The following MTMR8 variants were observed in gnomAD, a reference collection of about 807,000 sequenced individuals.
The protein encoded by MTMR8 is phosphatidylinositol-3,5-bisphosphate 3-phosphatase MTMR8.
A neutral mutation model predicts 39.3 loss-of-function variants in MTMR8; 65 were observed. The ratio of observed to expected loss-of-function variants is 1.65; its 90% confidence interval spans 1.35 to 2.03. MTMR8 has a LOEUF of 2.03. Ranked by LOEUF, MTMR8 falls within the 30% of genes most tolerant of loss-of-function variation. The pLI is 0.00. For synonymous variants in MTMR8, 245 were observed against 185.2 expected (o/e 1.32, Z -2.62); for missense variants, 777 against 538.9 (o/e 1.44, Z -4.37).
intron 12 of MTMR8, 120 bp from the exon 13 acceptor site, chrX:64,271,193 G>A (rs1305254225): frequency 3.4e-5 from 23 of 679,943 alleles, no homozygotes; most frequent in Non-Finnish European, 4.5e-5. Flanking sequence ...CATGAGTACT[G>A]TAATTTGATG....
At chrX:64,279,339 C>T (rs1315778259) in intron 12 of MTMR8, among the ~76,000 whole-genome samples, 1 of 111,966 alleles carries the variant, frequency 8.9e-6, no homozygotes, top group African/African-American at 3.2e-5. Flanking sequence ...AAATACTAAA[C>T]ATCATACTCA....
intron 12 of MTMR8, among the ~76,000 whole-genome samples, chrX:64,302,281 T>G (rs2147202096): frequency 8.9e-6 from 1 of 112,690 alleles, no homozygotes; most frequent in East Asian, 2.8e-4. Flanking sequence ...CGCCGTTTTT[T>G]AAGCCGGTCT....
intron 12 of MTMR8, among the ~76,000 whole-genome samples, chrX:64,288,994 G>C (rs186026747): frequency 9.1e-6 from 1 of 109,658 alleles, no homozygotes; most frequent in East Asian, 2.8e-4. Context: ...TTGTGCACAT[G>C]TACCCTAGAA....
At chrX:64,389,454 C>G (rs891814801) in intron 1 of MTMR8, among the ~76,000 whole-genome samples, 2 of 112,217 alleles carry the variant, frequency 1.8e-5, no homozygotes, top group African/African-American at 6.5e-5. Flanking sequence ...CCAGTGGTTT[C>G]TAGGAGTAAC....
At chrX:64,303,494 T>A (rs749224880) in intron 12 of MTMR8, among the ~76,000 whole-genome samples, 3 of 112,287 alleles carry the variant, frequency 2.7e-5, no homozygotes, top group Non-Finnish European at 3.8e-5. Flanking sequence ...ACAAAGTAGA[T>A]ATAGAGGCTA....
intron 12 of MTMR8, among the ~76,000 whole-genome samples, chrX:64,285,260 CAAG>C (rs1313471020): frequency 8.9e-6 from 1 of 111,755 alleles, no homozygotes; most frequent in East Asian, 2.8e-4. Context: ...ATCAATTCAA[CAAG>C]AAGAGCTAAC....
At chrX:64,298,170 G>A (rs1238110335) in intron 12 of MTMR8, among the ~76,000 whole-genome samples, 1 of 97,159 alleles carries the variant, frequency 1.0e-5, no homozygotes, top group African/African-American at 3.8e-5. Context: ...AATTACCTTG[G>A]GCAGTATGGC....
intron 12 of MTMR8, among the ~76,000 whole-genome samples, chrX:64,318,911 C>T (rs182801849): frequency 1.2e-4 from 13 of 110,868 alleles, no homozygotes; most frequent in African/African-American, 2.6e-4. Context: ...GAACTCCCAA[C>T]CTCAGGTGAT....
At chrX:64,274,427 C>T (rs961320557) in intron 12 of MTMR8, among the ~76,000 whole-genome samples, 58 of 111,897 alleles carry the variant, frequency 5.2e-4, no homozygotes, top group Non-Finnish European at 8.5e-4. Flanking sequence ...CCACAACATA[C>T]CAAAACATGT....
chrX:64,273,509 A>G (rs1488435919), intron 12 of MTMR8, among the ~76,000 whole-genome samples: 2 of 111,371 alleles, frequency 1.8e-5, no homozygotes, highest in African/African-American at 6.5e-5. Flanking sequence ...AAAACAAAAC[A>G]TAAAGGAAGA....
chrX:64,370,180 A>T (rs1308939249), intron 1 of MTMR8, among the ~76,000 whole-genome samples: 3 of 111,115 alleles, frequency 2.7e-5, no homozygotes, highest in Non-Finnish European at 5.7e-5. Flanking sequence ...GGTTAGAAAA[A>T]TAGAACAAAA....
intron 1 of MTMR8, among the ~76,000 whole-genome samples, chrX:64,385,333 A>T (rs895334545): frequency 9.0e-6 from 1 of 111,410 alleles, no homozygotes; most frequent in Non-Finnish European, 1.9e-5. Context: ...GAAGGTCCAA[A>T]CTTTCCCTCA....
chrX:64,329,111 T>C (rs1191923601), intron 11 of MTMR8, among the ~76,000 whole-genome samples: 1 of 111,539 alleles, frequency 9.0e-6, no homozygotes, highest in Non-Finnish European at 1.9e-5. Flanking sequence ...TTAAAATAAA[T>C]GAGAGGTTAG....
At chrX:64,315,265 C>A (rs995146732) in intron 12 of MTMR8, among the ~76,000 whole-genome samples, 1 of 112,026 alleles carries the variant, frequency 8.9e-6, no homozygotes, top group African/African-American at 3.2e-5. Context: ...CAGTTCAACT[C>A]ACCCATTCCC....
intron 3 of MTMR8, among the ~76,000 whole-genome samples, chrX:64,355,799 A>T (rs1004820658): frequency 9.0e-6 from 1 of 111,244 alleles, no homozygotes; most frequent in African/African-American, 3.3e-5. Flanking sequence ...TGGGCCAAAC[A>T]AAAAGTCTGC....
intron 1 of MTMR8, among the ~76,000 whole-genome samples, chrX:64,364,039 G>A (rs771871407): frequency 3.7e-5 from 4 of 107,303 alleles, no homozygotes; most frequent in African/African-American, 1.0e-4. Context: ...CAGGGGGAGG[G>A]GTGTCCACCA....
intron 12 of MTMR8, among the ~76,000 whole-genome samples, chrX:64,272,198 G>A (rs2147124757): frequency 9.0e-6 from 1 of 111,490 alleles, no homozygotes; most frequent in South Asian, 3.8e-4. Flanking sequence ...AAAGAAACAA[G>A]CTAAAACTCC....
At chrX:64,300,929 T>A (rs900378860) in intron 12 of MTMR8, among the ~76,000 whole-genome samples, 1 of 109,952 alleles carries the variant, frequency 9.1e-6, no homozygotes, top group Non-Finnish European at 1.9e-5. Flanking sequence ...GCTTGTAGGG[T>A]TTCTGCCGAG....
At chrX:64,392,368 G>A (rs1924711239) in intron 1 of MTMR8, among the ~76,000 whole-genome samples, 1 of 112,256 alleles carries the variant, frequency 8.9e-6, no homozygotes, top group African/African-American at 3.2e-5. Context: ...CAATGAGAAT[G>A]ATCTATAACT....
Sources: gnomAD v4.1 joint callset for allele counts (sites outside exome capture counted in the v4.1 genomes callset) on GRCh38, gnomAD v4.1.1 for gene constraint, MANE v1.5 for transcripts, NCBI Gene and HGNC (gene_info 2026-07-23, HGNC 2026-07-21) for gene names.